Variants in SGPP2 observed in about 807,000 individuals in gnomAD.
The protein encoded by SGPP2 is sphingosine-1-phosphate phosphatase 2.
Under a neutral mutation model 33.9 loss-of-function variants are expected in SGPP2, and 30 were observed. That is an observed-to-expected ratio of 0.89 (90% CI 0.66 to 1.20). SGPP2 has a LOEUF of 1.20. SGPP2 is among the 50% of genes most tolerant of loss of function. SGPP2 has a pLI of 0.00. For missense variants in SGPP2, 458 were observed against 532.1 expected (o/e 0.86, Z 1.37); for synonymous variants, 233 against 225.0 (o/e 1.04, Z -0.32).
At chr2:222,496,438 T>C (rs1698281887) in intron 2 of SGPP2, among the ~76,000 whole-genome samples, 1 of 152,232 alleles carries the variant, frequency 6.6e-6, no homozygotes, top group African/African-American at 2.4e-5. Context: ...GCCTGCGTCA[T>C]CTTTATTTTG....
chr2:222,464,672 C>T (rs1380574134), intron 1 of SGPP2, among the ~76,000 whole-genome samples: 1 of 152,112 alleles, frequency 6.6e-6, no homozygotes, highest in African/African-American at 2.4e-5. Context: ...TTTGTAGAGA[C>T]AGGTCTCACT....
chr2:222,471,890 T>C (rs1260451188), intron 1 of SGPP2, among the ~76,000 whole-genome samples: 2 of 152,210 alleles, frequency 1.3e-5, no homozygotes, highest in Non-Finnish European at 2.9e-5. Flanking sequence ...GGTGACCATG[T>C]TATTGTTTTT....
intron 1 of SGPP2, among the ~76,000 whole-genome samples, chr2:222,433,736 T>C (rs1273019836): frequency 6.6e-6 from 1 of 152,172 alleles, no homozygotes; most frequent in African/African-American, 2.4e-5. Flanking sequence ...TCCAGGAAAC[T>C]GATAGAGGGT....
At chr2:222,447,166 C>T (rs1408690870) in intron 1 of SGPP2, among the ~76,000 whole-genome samples, 1 of 152,156 alleles carries the variant, frequency 6.6e-6, no homozygotes, top group African/African-American at 2.4e-5. Flanking sequence ...AACCATGTTC[C>T]AGCTAGGAAC....
chr2:222,500,371 G>A (rs1698349170), intron 2 of SGPP2, among the ~76,000 whole-genome samples: 1 of 152,152 alleles, frequency 6.6e-6, no homozygotes, highest in Non-Finnish European at 1.5e-5. Context: ...CCAGAAAAAA[G>A]GGAGGGAGCA....
chr2:222,528,587 T>C (rs1487557130), intron 4 of SGPP2, among the ~76,000 whole-genome samples: 2 of 152,146 alleles, frequency 1.3e-5, no homozygotes, highest in African/African-American at 4.8e-5. Flanking sequence ...AGGGTGGTCA[T>C]TGCTGAAGGG....
intron 2 of SGPP2, among the ~76,000 whole-genome samples, chr2:222,501,581 T>C (rs1431149419): frequency 6.6e-6 from 1 of 152,208 alleles, no homozygotes; most frequent in East Asian, 1.9e-4. Flanking sequence ...ATCAGACTCT[T>C]GGTCAGCAAA....
At chr2:222,466,579 C>T (rs549161681) in intron 1 of SGPP2, among the ~76,000 whole-genome samples, 4 of 152,082 alleles carry the variant, frequency 2.6e-5, no homozygotes, top group Non-Finnish European at 5.9e-5. Context: ...TTTCAGAAAA[C>T]ATAACGACAG....
Position 222,560,409 on chromosome 2 carries a change from T to C in SGPP2, c.*1511T>C, listed in dbSNP as rs1259724126. 6.6e-6 allele frequency: 1 copy of C among 152,256 alleles called. No homozygotes were observed. The highest frequency in any genetic ancestry group is 2.4e-5 in the African/African-American group (1 of 41,472). 9.4% of individuals were successfully genotyped at this position (152,256 alleles called of 1,614,324 possible). ...AGGGGAATTAATGCAAGAACAACTT[T>C]AGTGTCTCTTGGGAAAACAAGCCAA... is the stretch of plus-strand genomic sequence containing the variant. On this transcript the variant is annotated 3_prime_UTR_variant, in exon 5 of 5. Transcript: ENST00000321276.
chr2:222,449,010 A>G (rs140774871), intron 1 of SGPP2, among the ~76,000 whole-genome samples: 1 of 152,298 alleles, frequency 6.6e-6, no homozygotes, highest in Non-Finnish European at 1.5e-5. Flanking sequence ...TTATGGTGGA[A>G]TTTCCTGACC....
rs1222487347 is a variant in SGPP2 at position 222,476,679 on chromosome 2, ATG to A, written c.378+1964_378+1965del. Among the ~76,000 whole-genome samples, 2 of 151,166 alleles carry A rather than the reference ATG, an allele frequency of 1.3e-5. No homozygotes were observed. The highest frequency in any genetic ancestry group is 2.4e-5 in the African/African-American group (1 of 41,148). On this transcript the variant is annotated intron_variant, in intron 2 of 4. Coordinates refer to ENST00000321276, the MANE Select transcript of SGPP2 (RefSeq NM_152386.4). This position sits in a 1 kb window ranked among gnomAD's most constrained non-coding sequence, Gnocchi z 4.3. ...TTCCTACTGTCGTTTATTTTCTAAG[ATG>A]TGTGTGTGTGCGTGTGTAAGGTATA... is the stretch of plus-strand genomic sequence containing the variant.
chr2:222,443,245 C>A (rs2106068655), intron 1 of SGPP2, among the ~76,000 whole-genome samples: 1 of 152,036 alleles, frequency 6.6e-6, no homozygotes, highest in East Asian at 1.9e-4. Flanking sequence ...AATTTAGATT[C>A]ATTGAGTACA....
At chr2:222,429,560 G>A (rs1697121364) in intron 1 of SGPP2, among the ~76,000 whole-genome samples, 2 of 152,104 alleles carry the variant, frequency 1.3e-5, no homozygotes, top group African/African-American at 4.8e-5. Context: ...TTATATCACC[G>A]CCCATTGCTA....
intron 4 of SGPP2, among the ~76,000 whole-genome samples, chr2:222,549,835 G>A (rs1463349375): frequency 1.3e-5 from 2 of 151,404 alleles, no homozygotes; most frequent in Non-Finnish European, 2.9e-5. Context: ...CAATCCATAG[G>A]GTAAGGCTGG....
At chr2:222,459,652 T>TGA (rs920513167) in intron 1 of SGPP2, among the ~76,000 whole-genome samples, 8 of 151,266 alleles carry the variant, frequency 5.3e-5, no homozygotes, top group Admixed American at 4.0e-4. Flanking sequence ...TCAGAGAGAT[T>TGA]GAGAGAGAGA....
chr2:222,536,588 G>A (rs1270764677), intron 4 of SGPP2, among the ~76,000 whole-genome samples: 1 of 152,152 alleles, frequency 6.6e-6, no homozygotes, highest in East Asian at 1.9e-4. Context: ...GATGAGGCAT[G>A]AGAATCGCTT....
intron 2 of SGPP2, among the ~76,000 whole-genome samples, chr2:222,502,640 G>C (rs1698384846): frequency 6.6e-6 from 1 of 152,178 alleles, no homozygotes. Context: ...TAGATAGGCT[G>C]CTGTTCACAA....
At chr2:222,444,400 A>T (rs1053853266) in intron 1 of SGPP2, among the ~76,000 whole-genome samples, 13 of 152,260 alleles carry the variant, frequency 8.5e-5, no homozygotes, top group African/African-American at 2.9e-4. Flanking sequence ...GCTTCTTTTC[A>T]TCTACGCTTA....
At position 222,444,807 on chromosome 2, in the gene SGPP2, A is replaced by C. The variant is rs537716262; in HGVS notation, c.219+19986A>C. ...GATCTCAGGCTTTAGAAAACAATAC[A>C]TTGCAGCTTTGGGGGAAAAAATCTT... On this transcript the variant is annotated intron_variant, in intron 1 of 4. Coordinates refer to ENST00000321276, the MANE Select transcript of SGPP2 (RefSeq NM_152386.4). Among the ~76,000 whole-genome samples, 373 of 152,296 alleles carry C rather than the reference A, an allele frequency of 2.4e-3. 1 individual carries two copies. The highest frequency in any genetic ancestry group is 8.3e-3 in the African/African-American group (347 of 41,566).
Sources: allele counts gnomAD v4.1 joint callset (sites outside exome capture counted in the v4.1 genomes callset), GRCh38; gene constraint gnomAD v4.1.1; non-coding constraint Gnocchi (gnomAD v3.1); transcripts MANE v1.5; gene names NCBI Gene and HGNC (gene_info 2026-07-23, HGNC 2026-07-21).